ZNF765: variants seen among roughly 807,000 people sequenced by gnomAD.
ZNF765 encodes zinc finger protein 765.
Under a neutral mutation model 44.7 loss-of-function variants are expected in ZNF765, and 37 were observed. The ratio of observed to expected loss-of-function variants is 0.83; its 90% CI spans 0.64 to 1.09. ZNF765 has a LOEUF of 1.09. Ranked by LOEUF, ZNF765 falls within the 50% of genes least tolerant of loss-of-function variation. The probability of loss-of-function intolerance (pLI) is 0.00; values close to 1 mark genes in which losing one functional copy is unlikely to be tolerated. For missense variants in ZNF765, 594 were observed against 626.1 expected (o/e 0.95, Z 0.55); for synonymous variants, 201 against 213.7 (o/e 0.94, Z 0.52).
chr19:53,402,786 T>TCTC (rs1290656041), intron 3 of ZNF765, among the ~76,000 whole-genome samples: 1 of 152,046 alleles, frequency 6.6e-6, no homozygotes, highest in Non-Finnish European at 1.5e-5. Flanking sequence ...TTCATCCTGA[T>TCTC]CTCCTGGGCT....
chr19:53,398,068 C>G (rs1414375191), intron 2 of ZNF765, 38 bp downstream of exon 2: 16 of 1,613,716 alleles, frequency 9.9e-6, no homozygotes, highest in Non-Finnish European at 1.2e-5. Context: ...CTGTCTCCTT[C>G]TTTTCAGAAA....
At chr19:53,406,086 A>AAT (rs1568779225) in intron 3 of ZNF765, among the ~76,000 whole-genome samples, 2 of 141,396 alleles carry the variant, frequency 1.4e-5, no homozygotes, top group African/African-American at 2.7e-5. Context: ...TGGAGTGCAC[A>AAT]GGTGCAATCT....
At chr19:53,416,953 G>A (rs1182562494), downstream of ZNF765, among the ~76,000 whole-genome samples, 1 of 151,936 alleles carries the variant, frequency 6.6e-6, no homozygotes, top group Admixed American at 6.6e-5. Flanking sequence ...AGGTAGCTGG[G>A]ATTACAGGCG....
rs2085808178 is a variant in ZNF765 at position 53,409,021 on chromosome 19, C to G, written c.1466C>G (p.Thr489Ser). The change falls in exon 4 of 4, where the codon ACT (threonine) becomes AGT (serine). Residue 489 changes from threonine (T) to serine (S), a missense_variant. Thr to Ser is a moderately conservative substitution (Grantham distance 58). Coordinates refer to ENST00000396408, the MANE Select transcript of ZNF765 (RefSeq NM_001040185.3). ...SSLTYHHRLH[T>S]GQKPYKCEDC... ...CTTACATACCATCATAGACTTCATACTGGACAGAAACCTTACAAATGTGAA... is the reference window on the plus strand; with the variant it reads ...CTTACATACCATCATAGACTTCATAGTGGACAGAAACCTTACAAATGTGAA... 1.9e-6 allele frequency: 3 copies of G among 1,603,368 alleles called. No homozygotes were observed. Among genetic ancestry groups the G allele is most frequent in the African/African-American group, 1.3e-5 (1 of 74,452 alleles).
Position 53,407,858 on chromosome 19 carries a change from G to A in ZNF765, c.303G>A (p.Trp101Ter). The stretch of plus-strand genomic sequence containing the variant: ...ATATTCATGACATTGAGTTTCAGTG[G>A]CAAGAAGATGAAAGAAATGGCCATG... ...DKDIHDIEFQ[W>*]QEDERNGHEA... is the part of the protein sequence containing the mutation. Residue 101 changes from tryptophan (W) to a stop codon, truncating the protein, a stop_gained, in exon 4 of 4, where the codon TGG (tryptophan) becomes TGA (stop). Coordinates refer to ENST00000396408, the MANE Select transcript of ZNF765 (RefSeq NM_001040185.3). LOFTEE classifies it high-confidence loss of function. 1 of 1,613,726 alleles carries A rather than the reference G, an allele frequency of 6.2e-7. No homozygotes were observed. The highest frequency in any genetic ancestry group is 8.5e-7 in the Non-Finnish European group (1 of 1,179,896).
At chr19:53,395,898 A>G (rs970449925) in intron 1 of ZNF765, among the ~76,000 whole-genome samples, 50 of 152,192 alleles carry the variant, frequency 3.3e-4, no homozygotes, top group African/African-American at 1.2e-3. Context: ...GACGTAGAGC[A>G]GTAGAAAACC....
chr19:53,401,789 T>C, intron 2 of ZNF765: 1 of 685,742 alleles, frequency 1.5e-6, no homozygotes, highest in Non-Finnish European at 2.4e-6. Context: ...GGCAGGAGAA[T>C]CGTTTGATCC....
intron 3 of ZNF765, among the ~76,000 whole-genome samples, chr19:53,421,234 C>T (rs947232979): frequency 4.6e-5 from 7 of 152,120 alleles, no homozygotes; most frequent in African/African-American, 1.7e-4. Flanking sequence ...ACATGTTTTC[C>T]TGCTGACCCT....
rs116349471 is a variant in ZNF765, at chr19:53,409,838, C to G, written c.*711C>G. 2.9e-6 allele frequency: 2 copies of G among 681,196 alleles called. 1 individual carries two copies. Among genetic ancestry groups the G allele is most frequent in the Middle Eastern group, 5.2e-4 (2 of 3,848 alleles). The allele number at this position is 681,196 out of a possible 1,614,324, so 42.2% of individuals were successfully genotyped here. On this transcript the variant is annotated 3_prime_UTR_variant, in exon 4 of 4. Coordinates refer to ENST00000396408, the MANE Select transcript of ZNF765 (RefSeq NM_001040185.3). The stretch of plus-strand genomic sequence containing the variant: ...TCTGAAGTCATACCTTACGCACCAT[C>G]GTAGACTTCATACTGGAGAGGTACC...
chr19:53,423,499 C>A, exon 4 of ZNF765: 1 of 427,738 alleles, frequency 2.3e-6, no homozygotes, highest in South Asian at 2.0e-5. Flanking sequence ...AAACCATCCT[C>A]CTGGTGAGCA....
chr19:53,397,774 T>C (rs948216094), intron 1 of ZNF765, among the ~76,000 whole-genome samples, 169 bp from the exon 2 acceptor site: 4 of 151,966 alleles, frequency 2.6e-5, no homozygotes, highest in African/African-American at 4.8e-5. Flanking sequence ...TGTGGGCTTC[T>C]CCGGGAGGGG....
chr19:53,408,165 CAA>C lies in ZNF765; in HGVS notation c.614_615del (p.Lys205ThrfsTer14), dbSNP rs2085794592. The stretch of plus-strand genomic sequence containing the variant: ...TTTCCTGAATTCTTCATTATTCACA[CAA>C]AAACAGGAAGTACATATGAGGGAAA... ...NNFLNSSLFT[Q>X]KQEVHMREKS... is the part of the protein sequence containing the mutation. On this transcript the variant is annotated frameshift_variant, in exon 4 of 4. Transcript: ENST00000396408. LOFTEE classifies it high-confidence loss of function. 6.2e-7 allele frequency: 1 copy of C among 1,613,812 alleles called. No individual in the cohort carries two copies. The highest frequency in any genetic ancestry group is 1.1e-5 in the South Asian group (1 of 91,064).
intron 3 of ZNF765, 95 bp from the exon 4 acceptor site, chr19:53,407,602 TA>T: frequency 1.0e-6 from 1 of 975,148 alleles, no homozygotes; most frequent in Non-Finnish European, 1.4e-6. Flanking sequence ...TTGCAAAGTT[TA>T]AAATAAGTAT....
rs574926783 is a variant in ZNF765 at position 53,423,252 on chromosome 19, A to C, written c.*150A>C. 1.1e-4 allele frequency: 77 copies of C among 684,438 alleles called. 1 individual carries two copies. In the African/African-American group the frequency reaches 1.2e-3, roughly 11 times the overall value. 42.4% of individuals were successfully genotyped at this position (684,438 alleles called of 1,614,324 possible). A position where few individuals can be genotyped will look rare whatever the true frequency, so the allele number is the denominator to read the frequency against. On this transcript the variant is annotated 3_prime_UTR_variant, in exon 4 of 4. Coordinates refer to the ZNF765 transcript ENST00000594030. ...TCTCATGCACGTGACCGGCAAGTGG[A>C]GCAACAAAAATACCACGAAGACAAA...
chr19:53,397,832 G>C (rs1600045732), intron 1 of ZNF765, 111 bp from the exon 2 acceptor site: 1 of 1,122,006 alleles, frequency 8.9e-7, no homozygotes. Context: ...GTGGTCGGCA[G>C]CATAGGGGAC....
At chr19:53,404,494 C>T (rs998854351) in intron 3 of ZNF765, among the ~76,000 whole-genome samples, 4 of 151,872 alleles carry the variant, frequency 2.6e-5, no homozygotes, top group African/African-American at 9.7e-5. Context: ...GGTCTGTCAC[C>T]CAGGCTGGAG....
At position 53,407,668 on chromosome 19, in the gene ZNF765, T is replaced by G. The variant is rs1257070957; in HGVS notation, c.143-30T>G. 3 of 1,475,572 alleles carry G rather than the reference T, an allele frequency of 2.0e-6. No homozygotes were observed. In the Admixed American group the frequency reaches 7.1e-5, roughly 35 times the overall value. The allele number at this position is 1,475,572 out of a possible 1,614,324, so 91.4% of individuals were successfully genotyped here. ...GCATTATTTACCATCTGTACTTAATTTGAAACCTTTTGGTGTGTATACTTT... is the reference window on the plus strand; with the variant it reads ...GCATTATTTACCATCTGTACTTAATGTGAAACCTTTTGGTGTGTATACTTT... On this transcript the variant is annotated intron_variant, in intron 3 of 3. Transcript: ENST00000396408.
chr19:53,422,838 A>G (rs979508834), intron 3 of ZNF765, among the ~76,000 whole-genome samples: 10 of 152,266 alleles, frequency 6.6e-5, no homozygotes, highest in African/African-American at 1.4e-4. Flanking sequence ...TCTTCTTATC[A>G]CAGACTGTAC....
At chr19:53,416,127 T>C (rs949556927), downstream of ZNF765, among the ~76,000 whole-genome samples, 2 of 152,124 alleles carry the variant, frequency 1.3e-5, no homozygotes, top group Non-Finnish European at 2.9e-5. Flanking sequence ...CTAATTTTTA[T>C]ATTTTTAGTA....
Sources: allele counts gnomAD v4.1 joint callset (sites outside exome capture counted in the v4.1 genomes callset), GRCh38; gene constraint gnomAD v4.1.1; transcripts MANE v1.5; gene names NCBI Gene and HGNC (gene_info 2026-07-23, HGNC 2026-07-21).